The following ZFHX3 variants were observed in gnomAD, a reference collection of about 807,000 sequenced individuals.
The protein encoded by ZFHX3 is zinc finger homeobox protein 3.
Under a neutral mutation model 279.1 loss-of-function variants are expected in ZFHX3, and 42 were observed. The ratio of observed to expected loss-of-function variants is 0.15; its 90% CI spans 0.12 to 0.19. The LOEUF (loss-of-function observed/expected upper bound fraction) is 0.19, where lower values mean the gene tolerates loss of function less well. ZFHX3 is among the 10% of genes least tolerant of loss of function. The probability of loss-of-function intolerance (pLI) is 1.00; values close to 1 mark genes in which losing one functional copy is unlikely to be tolerated. For synonymous variants in ZFHX3, 2,293 were observed against 1,957.8 expected, an observed-to-expected ratio of 1.17 and a Z score of -4.52; for missense variants, 4,981 against 4,754.0, an observed-to-expected ratio of 1.05 and a Z score of -1.40.
At chr16:73,881,736 G>T (rs74472684) in intron 1 of ZFHX3, among the ~76,000 whole-genome samples, 1 of 151,868 alleles carries the variant, frequency 6.6e-6, no homozygotes, top group Non-Finnish European at 1.5e-5. Flanking sequence ...GGATATATAT[G>T]TGTGTGTGCG....
chr16:73,065,288 G>A (rs1449829606), intron 8 of ZFHX3, among the ~76,000 whole-genome samples: 1 of 152,168 alleles, frequency 6.6e-6, no homozygotes, highest in Non-Finnish European at 1.5e-5. Context: ...AGGGATGCGC[G>A]GCTGAACAAT....
chr16:73,776,374 T>G (rs1959244477), intron 1 of ZFHX3, among the ~76,000 whole-genome samples: 1 of 152,124 alleles, frequency 6.6e-6, no homozygotes, highest in Non-Finnish European at 1.5e-5. Context: ...CATGCCCCAG[T>G]TCTATGCGCT....
intron 2 of ZFHX3, among the ~76,000 whole-genome samples, chr16:73,478,390 T>C (rs909999078): frequency 1.3e-5 from 2 of 152,150 alleles, no homozygotes; most frequent in South Asian, 2.1e-4. Context: ...CTATCCAGGC[T>C]TCTTCCCTGC....
At chr16:73,771,878 T>C (rs1207704011) in intron 1 of ZFHX3, among the ~76,000 whole-genome samples, 2 of 151,498 alleles carry the variant, frequency 1.3e-5, no homozygotes, top group South Asian at 2.1e-4. Flanking sequence ...ATTGATATGG[T>C]TACCCTGAAA....
intron 5 of ZFHX3, among the ~76,000 whole-genome samples, chr16:73,219,782 T>A (rs1282672945): frequency 6.6e-6 from 1 of 152,294 alleles, no homozygotes; most frequent in East Asian, 1.9e-4. Context: ...GGGCAAGACT[T>A]CTTTTGAAAA....
chr16:73,417,070 CCT>C (rs984988637), intron 3 of ZFHX3, among the ~76,000 whole-genome samples: 9 of 151,988 alleles, frequency 5.9e-5, no homozygotes, highest in African/African-American at 2.2e-4. Context: ...CATATAATAC[CCT>C]GAGAAGGGCA....
intron 2 of ZFHX3, among the ~76,000 whole-genome samples, chr16:73,572,293 T>C (rs1207605285): frequency 6.6e-6 from 1 of 152,100 alleles, no homozygotes; most frequent in African/African-American, 2.4e-5. Flanking sequence ...AAGAGTGTGC[T>C]AGGAATTCCA....
chr16:73,530,692 T>C (rs187404506), intron 2 of ZFHX3, among the ~76,000 whole-genome samples: 32 of 152,322 alleles, frequency 2.1e-4, no homozygotes, highest in African/African-American at 7.7e-4. Context: ...AAAAGCTCAT[T>C]ACACCTTCTG....
intron 1 of ZFHX3, among the ~76,000 whole-genome samples, chr16:73,718,666 A>T (rs1422449790): frequency 3.3e-5 from 5 of 150,612 alleles, no homozygotes; most frequent in Admixed American, 6.6e-5. Flanking sequence ...CCCAGGCTGG[A>T]GTGCAGTGGC....
chr16:73,081,639 G>A (rs1965946576), intron 8 of ZFHX3: 1 of 152,048 alleles, frequency 6.6e-6, no homozygotes, highest in African/African-American at 2.4e-5. Context: ...TGTTCCACTG[G>A]TAGATGCCAA....
At chr16:73,117,506 T>C (rs1287122801) in intron 7 of ZFHX3, among the ~76,000 whole-genome samples, 2 of 152,212 alleles carry the variant, frequency 1.3e-5, no homozygotes, top group Non-Finnish European at 2.9e-5. Context: ...CCTCTGACTA[T>C]GGTTACGACC....
intron 3 of ZFHX3, among the ~76,000 whole-genome samples, chr16:73,352,472 CTCTTTT>C (rs1417072142): frequency 8.9e-5 from 9 of 100,592 alleles, no homozygotes; most frequent in African/African-American, 4.6e-4. Context: ...CTCTCTCTCT[CTCTTTT>C]TTTTTTTTTT....
intron 4 of ZFHX3, among the ~76,000 whole-genome samples, chr16:73,313,183 G>T (rs1193211417): frequency 6.6e-6 from 1 of 152,172 alleles, no homozygotes; most frequent in Non-Finnish European, 1.5e-5. Flanking sequence ...ATTAAGACAT[G>T]CTTGCTTTCC....
chr16:73,420,473 G>C (rs1357758176), intron 3 of ZFHX3, among the ~76,000 whole-genome samples: 1 of 152,060 alleles, frequency 6.6e-6, no homozygotes, highest in Non-Finnish European at 1.5e-5. Context: ...TGGCATTATC[G>C]GGTAGATGCC....
intron 2 of ZFHX3, among the ~76,000 whole-genome samples, chr16:73,536,241 G>A (rs1348577710): frequency 6.6e-6 from 1 of 152,152 alleles, no homozygotes; most frequent in Non-Finnish European, 1.5e-5. Context: ...GTGCATTTAT[G>A]TAAGTCTAAA....
At chr16:73,426,953 G>A (rs781649873) in intron 3 of ZFHX3, among the ~76,000 whole-genome samples, 5 of 152,082 alleles carry the variant, frequency 3.3e-5, no homozygotes, top group African/African-American at 4.8e-5. Flanking sequence ...TGTAATTTAC[G>A]GGGTCCAGTC....
intron 3 of ZFHX3, among the ~76,000 whole-genome samples, chr16:73,435,399 G>A (rs1015016565): frequency 4.6e-5 from 7 of 152,022 alleles, no homozygotes; most frequent in Non-Finnish European, 8.8e-5. Context: ...TAGTAAAGAT[G>A]GGATTTTGCC....
chr16:73,224,421 C>T (rs1490786937), intron 5 of ZFHX3, among the ~76,000 whole-genome samples: 1 of 152,266 alleles, frequency 6.6e-6, no homozygotes. Flanking sequence ...AAACCAGCTA[C>T]CATATTATGT....
In ZFHX3 at chr16:73,429,493, C is replaced by T. The variant is rs148113499; in HGVS notation, c.-1291+26510G>A. On this transcript the variant is annotated intron_variant, in intron 3 of 17. Coordinates refer to the ZFHX3 transcript ENST00000641206. ...GATTACAGATGCCCGCCACCATGCC[C>T]GGCTGATTTTTGGATTTTTAGTAGA... 7.2e-3 allele frequency among the ~76,000 whole-genome samples: 1,099 copies of T among 151,900 alleles called. 8 individuals carry two copies. The highest frequency in any genetic ancestry group is 0.021 in the Middle Eastern group (6 of 292).
Sources: allele counts gnomAD v4.1 joint callset (sites outside exome capture counted in the v4.1 genomes callset), GRCh38; gene constraint gnomAD v4.1.1; transcripts MANE v1.5; gene names NCBI Gene and HGNC (gene_info 2026-07-23, HGNC 2026-07-21).